Variants in AP3B1 observed in about 807,000 individuals in gnomAD.
The protein encoded by AP3B1 is AP-3 complex subunit beta-1.
A neutral mutation model predicts 132.5 loss-of-function variants in AP3B1; 61 were observed. The ratio of observed to expected loss-of-function variants is 0.46; its 90% confidence interval spans 0.37 to 0.57. The LOEUF (loss-of-function observed/expected upper bound fraction) is 0.57, where lower values mean the gene tolerates loss of function less well. Among genes scored for constraint, AP3B1 ranks in the 20% least tolerant of loss-of-function variants. The pLI is 0.00. For synonymous variants in AP3B1, 388 were observed against 438.3 expected, an observed-to-expected ratio of 0.89 and a Z score of 1.43; for missense variants, 1,120 against 1,289.4, an observed-to-expected ratio of 0.87 and a Z score of 2.01.
chr5:78,291,300 G>A (rs912805775), intron 1 of AP3B1, among the ~76,000 whole-genome samples: 16 of 151,384 alleles, frequency 1.1e-4, no homozygotes, highest in African/African-American at 3.9e-4. Context: ...TTACCATTTT[G>A]CAGCCATTGT....
chr5:78,125,103 A>C (rs1204490016), intron 17 of AP3B1, among the ~76,000 whole-genome samples: 1 of 152,226 alleles, frequency 6.6e-6, no homozygotes, highest in Non-Finnish European at 1.5e-5. Context: ...GTTTCTGTAA[A>C]GGATAAAATA....
chr5:78,112,314 C>T (rs1480190678), intron 19 of AP3B1, among the ~76,000 whole-genome samples: 1 of 151,926 alleles, frequency 6.6e-6, no homozygotes, highest in Admixed American at 6.6e-5. Flanking sequence ...TTGTTTTTCC[C>T]TGGCAAAAAA....
At chr5:78,186,403 T>A (rs1012722428) in intron 7 of AP3B1, among the ~76,000 whole-genome samples, 3 of 152,160 alleles carry the variant, frequency 2.0e-5, no homozygotes, top group Non-Finnish European at 4.4e-5. Context: ...AACAGAAAGA[T>A]TAGCAGTTGC....
intron 9 of AP3B1, among the ~76,000 whole-genome samples, chr5:78,176,186 A>T (rs1744141087): frequency 6.6e-6 from 1 of 152,202 alleles, no homozygotes; most frequent in African/African-American, 2.4e-5. Flanking sequence ...TTATAAACTC[A>T]TTAAATAACT....
chr5:78,090,284 A>G (rs1750456631), intron 21 of AP3B1, among the ~76,000 whole-genome samples: 1 of 152,242 alleles, frequency 6.6e-6, no homozygotes, highest in African/African-American at 2.4e-5. Context: ...TAGTATGACT[A>G]AATAAATGCA....
chr5:78,048,797 C>T (rs1748453079), intron 22 of AP3B1, among the ~76,000 whole-genome samples: 2 of 152,154 alleles, frequency 1.3e-5, no homozygotes, highest in South Asian at 2.1e-4. Flanking sequence ...TTATTTACTA[C>T]TTAACCTAGT....
intron 25 of AP3B1, among the ~76,000 whole-genome samples, chr5:78,018,391 G>C (rs1449875201): frequency 6.6e-6 from 1 of 151,832 alleles, no homozygotes; most frequent in Non-Finnish European, 1.5e-5. Context: ...AGATCATGTT[G>C]CATATTAGAA....
At position 78,042,000 on chromosome 5, in the gene AP3B1, A is replaced by G. The variant is rs544889129; in HGVS notation, c.2578-2726T>C. 3.0e-5 allele frequency: 6 copies of G among 202,356 alleles called. No homozygotes were observed. The East Asian group carries it at 5.7e-4, about 19-fold the overall frequency. 12.5% of individuals were successfully genotyped at this position (202,356 alleles called of 1,614,324 possible). A position where few individuals can be genotyped will look rare whatever the true frequency, so the allele number is the denominator to read the frequency against. Reference sequence around the variant, plus strand: ...TGGGCTTGGCTGTATATACTAATTCAAAGCCCCACTTCTGCACTTGCTCCA... The same window carrying G: ...TGGGCTTGGCTGTATATACTAATTCGAAGCCCCACTTCTGCACTTGCTCCA... On this transcript the variant is annotated intron_variant, in intron 22 of 26. Transcript: ENST00000255194.
intron 26 of AP3B1, among the ~76,000 whole-genome samples, chr5:78,007,278 A>G (rs927463178): frequency 1.3e-5 from 2 of 152,240 alleles, no homozygotes; most frequent in Non-Finnish European, 2.9e-5. Flanking sequence ...ACACAGAATC[A>G]GATTTGCTAT....
At chr5:78,030,048 T>C (rs1422915421) in intron 24 of AP3B1, among the ~76,000 whole-genome samples, 1 of 152,212 alleles carries the variant, frequency 6.6e-6, no homozygotes, top group East Asian at 1.9e-4. Flanking sequence ...TCACATTATG[T>C]CAACAATTAT....
At chr5:78,160,308 TTAGAG>T (rs1743338003) in intron 13 of AP3B1, among the ~76,000 whole-genome samples, 1 of 152,178 alleles carries the variant, frequency 6.6e-6, no homozygotes, top group African/African-American at 2.4e-5. Flanking sequence ...TCCTTTTAGT[TTAGAG>T]TAGATGGCAA....
At chr5:78,034,747 A>T (rs1747730058) in intron 23 of AP3B1, among the ~76,000 whole-genome samples, 1 of 152,010 alleles carries the variant, frequency 6.6e-6, no homozygotes, top group African/African-American at 2.4e-5. Flanking sequence ...CTCTATAGGT[A>T]CTGAAAATGA....
At chr5:78,144,815 G>A (rs1753313098) in intron 14 of AP3B1, among the ~76,000 whole-genome samples, 1 of 151,470 alleles carries the variant, frequency 6.6e-6, no homozygotes, top group Non-Finnish European at 1.5e-5. Context: ...CAATCCACAG[G>A]TAGTATGGGT....
chr5:78,283,662 G>T (rs891377065), intron 1 of AP3B1, among the ~76,000 whole-genome samples: 1 of 152,006 alleles, frequency 6.6e-6, no homozygotes, highest in Admixed American at 6.6e-5. Context: ...ACTGCTCAAC[G>T]AATGCCTAAC....
At chr5:78,201,891 C>T (rs1264073325) in intron 7 of AP3B1, among the ~76,000 whole-genome samples, 6 of 152,190 alleles carry the variant, frequency 3.9e-5, no homozygotes, top group Non-Finnish European at 8.8e-5. Context: ...ATCCCTCTCT[C>T]TACACAGGGG....
chr5:78,021,477 T>C (rs1747094437), intron 24 of AP3B1, among the ~76,000 whole-genome samples: 1 of 152,188 alleles, frequency 6.6e-6, no homozygotes, highest in South Asian at 2.1e-4. Context: ...TCTCATGATA[T>C]TATGATCAAT....
chr5:78,285,771 T>C (rs1330773190), intron 1 of AP3B1, among the ~76,000 whole-genome samples: 1 of 152,214 alleles, frequency 6.6e-6, no homozygotes, highest in Non-Finnish European at 1.5e-5. Context: ...TTGATATCTT[T>C]TCTCCCACAC....
chr5:78,146,268 C>G (rs1753387577), intron 14 of AP3B1, among the ~76,000 whole-genome samples: 1 of 152,146 alleles, frequency 6.6e-6, no homozygotes, highest in Non-Finnish European at 1.5e-5. Context: ...GTTATGTCTG[C>G]TACATCCCTC....
At chr5:78,020,059 A>G (rs1259104581) in intron 25 of AP3B1, among the ~76,000 whole-genome samples, 1 of 152,166 alleles carries the variant, frequency 6.6e-6, no homozygotes, top group African/African-American at 2.4e-5. Context: ...CGTTTTTATT[A>G]GAAGGTATGT....
Sources: allele counts gnomAD v4.1 joint callset (sites outside exome capture counted in the v4.1 genomes callset), GRCh38; gene constraint gnomAD v4.1.1; transcripts MANE v1.5; gene names NCBI Gene and HGNC (gene_info 2026-07-23, HGNC 2026-07-21).